UBTF: variants seen among roughly 807,000 people sequenced by gnomAD.
UBTF encodes the protein upstream binding transcription factor.
A neutral mutation model predicts 112.3 loss-of-function variants in UBTF; 8 were observed. The observed-to-expected ratio is 0.07, with a 90% CI of 0.04 to 0.13. UBTF has a LOEUF of 0.13. Ranked by LOEUF, UBTF falls within the 10% of genes least tolerant of loss-of-function variation. The probability of loss-of-function intolerance (pLI) is 1.00; values close to 1 mark genes in which losing one functional copy is unlikely to be tolerated. For synonymous variants in UBTF, 417 were observed against 373.1 expected (o/e 1.12, Z -1.36); for missense variants, 457 against 982.1 (o/e 0.47, Z 7.15).
chr17:44,208,128 G>T (rs547961426), intron 17 of UBTF, among the ~76,000 whole-genome samples: 1 of 139,434 alleles, frequency 7.2e-6, no homozygotes, highest in African/African-American at 2.7e-5. Flanking sequence ...TTTGAAACAG[G>T]GTCTTGCTCT....
At chr17:44,213,360 C>G (rs1018186511) in intron 5 of UBTF, 78 bp from the exon 6 acceptor site, 3 of 1,464,620 alleles carry the variant, frequency 2.0e-6, no homozygotes, top group Non-Finnish European at 2.8e-6. Context: ...CCAGACCCCT[C>G]CTCGCTGGCT....
intron 3 of UBTF, 160 bp downstream of exon 3, chr17:44,216,369 G>C (rs961564161): frequency 3.6e-6 from 3 of 829,348 alleles, no homozygotes; most frequent in Non-Finnish European, 5.8e-6. Context: ...GCTGTCAACC[G>C]TGCCACCTCC....
At chr17:44,213,435 C>G (rs2046679256) in intron 5 of UBTF, 153 bp from the exon 6 acceptor site, 1 of 782,020 alleles carries the variant, frequency 1.3e-6, no homozygotes, top group Non-Finnish European at 2.0e-6. Flanking sequence ...CCTGGCGGGA[C>G]TCACCACAGA....
chr17:44,214,987 C>T (rs1313631052), intron 5 of UBTF, among the ~76,000 whole-genome samples: 1 of 152,204 alleles, frequency 6.6e-6, no homozygotes, highest in Non-Finnish European at 1.5e-5. Flanking sequence ...GCCTGGGAGG[C>T]TTAGGCAACC....
chr17:44,220,889 C>A (rs1296096149), upstream of UBTF: 1 of 151,356 alleles, frequency 6.6e-6, no homozygotes, highest in African/African-American at 2.4e-5. Flanking sequence ...TAATGGCGAG[C>A]CCCACGCGCC....
chr17:44,210,237 G>A lies in UBTF; in HGVS notation c.1516-3C>T, dbSNP rs1165001223. On this transcript the variant is annotated splice_polypyrimidine_tract_variant and splice_region_variant and intron_variant, in intron 14 of 20. Transcript: ENST00000436088. ...TTCAAGGCCTTCACCCGGTCATTCT[G>A]GGGACCAATAAGGGTATCAGCCGTG... 1.9e-6 allele frequency: 3 copies of A among 1,614,246 alleles called. No individual in the cohort carries two copies. Among genetic ancestry groups the A allele is most frequent in the Admixed American group, 1.7e-5 (1 of 60,034 alleles).
intron 17 of UBTF, 70 bp downstream of exon 17, chr17:44,209,282 G>A: frequency 6.8e-7 from 1 of 1,480,802 alleles, no homozygotes; most frequent in Non-Finnish European, 9.0e-7. Context: ...GGGTGGATGG[G>A]CCAGGCTAGG....
At position 44,215,579 on chromosome 17, in the gene UBTF, A is replaced by C. The variant is rs534675765; in HGVS notation, c.474+75T>G. The C allele has an allele frequency of 5.6e-5, 88 of 1,576,856 alleles. No homozygotes were observed. The South Asian group carries it at 8.8e-4, about 16-fold the overall frequency. On this transcript the variant is annotated intron_variant, in intron 5 of 20. Coordinates refer to ENST00000436088, the MANE Select transcript of UBTF (RefSeq NM_014233.4). ...CTGATGCCAGGTTTCTCCAAGGCCT[A>C]CCTCCAACTGACCCACACCACACCA...
chr17:44,220,869 G>C (rs558689316), upstream of UBTF: 1 of 152,238 alleles, frequency 6.6e-6, no homozygotes, highest in East Asian at 1.9e-4. Flanking sequence ...TGGCGAAGCG[G>C]AGCGACGGCT....
intron 2 of UBTF, 47 bp downstream of exon 2, chr17:44,218,125 G>C (rs754793807): frequency 6.3e-7 from 1 of 1,592,706 alleles, no homozygotes; most frequent in South Asian, 1.1e-5. Context: ...GCAGCCACGA[G>C]GGAAAGAGGG....
chr17:44,215,379 G>A (rs1010733099), intron 5 of UBTF: 3 of 462,884 alleles, frequency 6.5e-6, no homozygotes, highest in South Asian at 2.7e-5. Context: ...ATGGGGGAGA[G>A]AGAGCTTGAA....
chr17:44,211,304 G>A lies in UBTF; in HGVS notation c.1075C>T (p.Leu359Phe), dbSNP rs769320056. ...GGAACACTCACCTCGAGGAAACGGAGCAGCTCCACCTCGTAATCTTTCTTT... is the reference window on the plus strand; with the variant it reads ...GGAACACTCACCTCGAGGAAACGGAACAGCTCCACCTCGTAATCTTTCTTT... ...QKKKDYEVEL[L>F]RFLESLPEEE... Residue 359 changes from leucine to phenylalanine, a missense_variant, in exon 11 of 21, where the codon CTC (leucine) becomes TTC (phenylalanine). Transcript: ENST00000436088. The surrounding 1 kb of genome is among the most constrained non-coding windows in gnomAD (Gnocchi z 4.9). 6.2e-7 allele frequency: 1 copy of A among 1,614,268 alleles called. No individual in the cohort carries two copies. The highest frequency in any genetic ancestry group is 8.5e-7 in the Non-Finnish European group (1 of 1,180,052).
Position 44,207,375 on chromosome 17 carries a change from G to A in UBTF, c.2170-8C>T, listed in dbSNP as rs1263502187. On this transcript the variant is annotated splice_region_variant and splice_polypyrimidine_tract_variant and intron_variant, in intron 20 of 20. Transcript: ENST00000436088. ...CTCGTCATCCTCTTCATTCTGGGGG[G>A]TGAGAAAGGATGTGGAGTCACCAGG... 2 of 1,612,250 alleles carry A rather than the reference G, an allele frequency of 1.2e-6. No homozygotes were observed. Among genetic ancestry groups the A allele is most frequent in the Non-Finnish European group, 1.7e-6 (2 of 1,179,174 alleles).
In UBTF at chr17:44,218,280, G is replaced by A. The variant is rs1016343102; in HGVS notation, c.-51C>T. Reference sequence around the variant, plus strand: ...GGTCGTGCTGGCCGGGCAACCCGGGGTCAAAGCCACCTCACCCTTTGGAAG... The same window carrying A: ...GGTCGTGCTGGCCGGGCAACCCGGGATCAAAGCCACCTCACCCTTTGGAAG... On this transcript the variant is annotated 5_prime_UTR_variant, in exon 2 of 21. Transcript: ENST00000436088. The A allele has an allele frequency of 2.1e-5, 34 of 1,600,588 alleles. No individual in the cohort carries two copies. Among genetic ancestry groups the A allele is most frequent in the Non-Finnish European group, 2.9e-5 (34 of 1,172,116 alleles).
Position 44,207,346 on chromosome 17 carries a change from C to T in UBTF, c.2191G>A (p.Glu731Lys), listed in dbSNP as rs2056311115. 1 of 1,612,664 alleles carries T rather than the reference C, an allele frequency of 6.2e-7. No individual in the cohort carries two copies. Among genetic ancestry groups the T allele is most frequent in the Non-Finnish European group, 8.5e-7 (1 of 1,179,410 alleles). Residue 731 changes from glutamate to lysine, a missense_variant, in exon 21 of 21, where the codon GAA becomes AAA. By Grantham distance (56) the Glu-to-Lys change is moderately conservative. Transcript: ENST00000436088. ...GDENEEDDED[E>K]DDDEDDDEDE... ...TCATCGTCATCCTCGTCGTCGTCTT[C>T]GTCCTCGTCATCCTCTTCATTCTGG...
upstream of UBTF, chr17:44,220,671 A>C (rs1054243376): frequency 3.3e-5 from 5 of 152,180 alleles, no homozygotes; most frequent in African/African-American, 1.2e-4. Context: ...CGGGCGCATG[A>C]AGATCGGCGC....
At position 44,205,159 on chromosome 17, in the gene UBTF, G is replaced by A. The variant is rs2056180607; in HGVS notation, c.*2083C>T. The A allele has an allele frequency of 1.3e-5, 2 of 152,562 alleles. No homozygotes were observed. Among genetic ancestry groups the A allele is most frequent in the Admixed American group, 1.3e-4 (2 of 15,276 alleles). 9.5% of individuals were successfully genotyped at this position (152,562 alleles called of 1,614,324 possible). A position where few individuals can be genotyped will look rare whatever the true frequency, so the allele number is the denominator to read the frequency against. On this transcript the variant is annotated 3_prime_UTR_variant, in exon 21 of 21. Coordinates refer to ENST00000436088, the MANE Select transcript of UBTF (RefSeq NM_014233.4). ...CTCCCATGATACAAATTCAAGTTGT[G>A]GTGGTTGTTGAATCCTACAAAACAC...
chr17:44,220,009 A>G (rs1206546788), upstream of UBTF, among the ~76,000 whole-genome samples: 2 of 124,878 alleles, frequency 1.6e-5, no homozygotes, highest in Non-Finnish European at 3.4e-5. Flanking sequence ...GAGGGAAGGA[A>G]GGAGGGGAGG....
chr17:44,220,488 A>C (rs1250313585), upstream of UBTF, among the ~76,000 whole-genome samples: 2 of 147,488 alleles, frequency 1.4e-5, no homozygotes, highest in African/African-American at 5.2e-5. Flanking sequence ...TCCTTGCCGA[A>C]CGGCACATAC....
Sources: allele counts gnomAD v4.1 joint callset (sites outside exome capture counted in the v4.1 genomes callset), GRCh38; gene constraint gnomAD v4.1.1; non-coding constraint Gnocchi (gnomAD v3.1); transcripts MANE v1.5; gene names NCBI Gene and HGNC (gene_info 2026-07-23, HGNC 2026-07-21).